Variants in IL33 observed in about 807,000 individuals in gnomAD.
IL33 encodes the protein interleukin 33.
IL33 carries 37 observed loss-of-function variants against 27.3 expected under a neutral mutation model. That is an observed-to-expected ratio of 1.36 (90% CI 1.04 to 1.78). The LOEUF is 1.78. IL33 is among the 40% of genes most tolerant of loss of function. The pLI is 0.00. For missense variants in IL33, 406 were observed against 311.4 expected (o/e 1.30, Z -2.29); for synonymous variants, 132 against 102.9 (o/e 1.28, Z -1.71).
intron 5 of IL33, 129 bp downstream of exon 5, chr9:6,253,120 T>A (rs1440271395): frequency 3.2e-6 from 2 of 617,688 alleles, no homozygotes; most frequent in Non-Finnish European, 2.6e-6. Flanking sequence ...GTGTGCTAAC[T>A]CTAATGCATT....
At chr9:6,239,563 CT>C (rs1819413314) in intron 1 of IL33, among the ~76,000 whole-genome samples, 1 of 152,106 alleles carries the variant, frequency 6.6e-6, no homozygotes, top group South Asian at 2.1e-4. Context: ...TATAAAAACC[CT>C]TGTATTCCAC....
chr9:6,248,883 A>G (rs1294032239), intron 2 of IL33, among the ~76,000 whole-genome samples: 1 of 152,068 alleles, frequency 6.6e-6, no homozygotes, highest in Non-Finnish European at 1.5e-5. Context: ...CTGGCCAACA[A>G]ATTTCTTTGC....
intron 2 of IL33, among the ~76,000 whole-genome samples, chr9:6,243,371 T>C (rs1819640709): frequency 1.3e-5 from 2 of 152,234 alleles, no homozygotes; most frequent in South Asian, 4.1e-4. Flanking sequence ...ATTTATTTTC[T>C]GTTGAGACAG....
chr9:6,218,913 T>TATATATATATGTTCTCC (rs1818293817), intron 1 of IL33, among the ~76,000 whole-genome samples: 1 of 103,510 alleles, frequency 9.7e-6, no homozygotes, highest in African/African-American at 3.6e-5. Flanking sequence ...TATATATATA[T>TATATATATATGTTCTCC]ATATATATAT....
intron 5 of IL33, 124 bp from the exon 6 acceptor site, chr9:6,253,428 A>G (rs1304422163): frequency 3.2e-6 from 2 of 618,664 alleles, no homozygotes; most frequent in Admixed American, 3.2e-5. Context: ...CAAAACCACA[A>G]AAGATTTGTT....
At chr9:6,227,999 C>T (rs1436221808) in intron 1 of IL33, among the ~76,000 whole-genome samples, 1 of 152,168 alleles carries the variant, frequency 6.6e-6, no homozygotes, top group Non-Finnish European at 1.5e-5. Flanking sequence ...TGGGCATTTA[C>T]TTGATCCCTC....
chr9:6,220,710 A>G (rs879260500), intron 1 of IL33, among the ~76,000 whole-genome samples: 22 of 152,140 alleles, frequency 1.4e-4, no homozygotes, highest in African/African-American at 4.6e-4. Context: ...ATACTTGATC[A>G]GTAGTCAGCA....
At position 6,241,735 on chromosome 9, in the gene IL33, C is replaced by T. The variant is rs1819539692; in HGVS notation, c.41C>T (p.Thr14Ile). ...KMKYSTNKISTAKWKNTASKA... is the reference protein window; with the variant it reads ...KMKYSTNKISIAKWKNTASKA... ...AAGTATTCAACCAACAAAATTTCCA[C>T]AGCAAAGTGGAAGAACACAGCAAGC... Residue 14 changes from threonine (T) to isoleucine (I), a missense_variant, in exon 2 of 8, where the codon ACA becomes ATA. Transcript: ENST00000682010. 6.2e-7 allele frequency: 1 copy of T among 1,611,784 alleles called. No individual in the cohort carries two copies. Among genetic ancestry groups the T allele is most frequent in the Non-Finnish European group, 8.5e-7 (1 of 1,178,652 alleles).
At chr9:6,220,325 T>C (rs983553306) in intron 1 of IL33, among the ~76,000 whole-genome samples, 4 of 152,218 alleles carry the variant, frequency 2.6e-5, no homozygotes, top group Non-Finnish European at 4.4e-5. Context: ...CCTTTTGCAA[T>C]GGTAAGAATG....
intron 1 of IL33, among the ~76,000 whole-genome samples, chr9:6,240,333 G>C (rs547183214): frequency 1.1e-3 from 164 of 152,206 alleles, no homozygotes; most frequent in African/African-American, 3.8e-3. Flanking sequence ...CTTGAAGCGT[G>C]GGGTGGAGGG....
At chr9:6,245,603 C>G (rs1474404711) in intron 2 of IL33, among the ~76,000 whole-genome samples, 1 of 152,080 alleles carries the variant, frequency 6.6e-6, no homozygotes, top group African/African-American at 2.4e-5. Context: ...CTGCATTAAT[C>G]TAAGGGACTA....
chr9:6,237,131 T>G (rs1198268787), intron 1 of IL33, among the ~76,000 whole-genome samples: 3 of 152,216 alleles, frequency 2.0e-5, no homozygotes, highest in Non-Finnish European at 4.4e-5. Context: ...AGACCAGCAC[T>G]TTATAAATTA....
chr9:6,230,944 T>G (rs1242038065), intron 1 of IL33, among the ~76,000 whole-genome samples: 1 of 152,166 alleles, frequency 6.6e-6, no homozygotes, highest in Non-Finnish European at 1.5e-5. Flanking sequence ...TTTCTTCACT[T>G]CTAAAAGGGA....
chr9:6,255,922 G>C (rs1816699568), intron 7 of IL33, 46 bp from the exon 8 acceptor site: 9 of 1,511,416 alleles, frequency 6.0e-6, no homozygotes, highest in African/African-American at 1.4e-5. Flanking sequence ...AGTTGACTCT[G>C]AACTTCCCAT....
chr9:6,253,155 C>G (rs1051124233), intron 5 of IL33, among the ~76,000 whole-genome samples, 164 bp downstream of exon 5: 4 of 152,286 alleles, frequency 2.6e-5, no homozygotes, highest in Admixed American at 2.6e-4. Flanking sequence ...GAATCCACTT[C>G]TATGTCAAGA....
chr9:6,257,040 A>G lies in IL33; in HGVS notation c.*872A>G, dbSNP rs866934992. The G allele has an allele frequency of 3.3e-5, 5 of 152,066 alleles. No homozygotes were observed. Among genetic ancestry groups the G allele is most frequent in the African/African-American group, 9.7e-5 (4 of 41,404 alleles). The allele number at this position is 152,066 out of a possible 1,614,324, so 9.4% of individuals were successfully genotyped here. ...ACATGTTTTAGAGCATCCAAGTACC[A>G]TATAATCCAACTATCATGGTAAGGC... On this transcript the variant is annotated 3_prime_UTR_variant, in exon 8 of 8. Coordinates refer to ENST00000682010, the MANE Select transcript of IL33 (RefSeq NM_033439.4).
chr9:6,216,852 A>C (rs1380638027), intron 1 of IL33, among the ~76,000 whole-genome samples: 1 of 152,316 alleles, frequency 6.6e-6, no homozygotes, highest in African/African-American at 2.4e-5. Context: ...CTTTTTTCTT[A>C]ATGGGACCTG....
In IL33 at chr9:6,252,968, A is replaced by G. The variant is rs769561072; in HGVS notation, c.446A>G (p.Asp149Gly). Reference sequence around the variant, plus strand: ...GAAAGTTATGAGATATATGTTGAAGACTTGAAAAAAGATGAAAAGAAAGGT... The same window carrying G: ...GAAAGTTATGAGATATATGTTGAAGGCTTGAAAAAAGATGAAAAGAAAGGT... Reference protein sequence around the residue: ...EDESYEIYVEDLKKDEKKDKV... With the variant: ...EDESYEIYVEGLKKDEKKDKV... The change falls in exon 5 of 8, where the codon GAC becomes GGC. Residue 149 changes from aspartate to glycine, a missense_variant. Physicochemically the swap from Asp to Gly is moderately conservative, Grantham distance 94 (BLOSUM62 -1). Transcript: ENST00000682010. The G allele has an allele frequency of 3.2e-6, 5 of 1,551,412 alleles. No individual in the cohort carries two copies. In the East Asian group the frequency reaches 6.8e-5, roughly 21 times the overall value.
chr9:6,246,097 A>G (rs1448610103), intron 2 of IL33, among the ~76,000 whole-genome samples: 2 of 102,142 alleles, frequency 2.0e-5, no homozygotes, highest in Admixed American at 1.1e-4. Flanking sequence ...AAAAAAAAAA[A>G]GAATTGGGTG....
Sources: gnomAD v4.1 joint callset for allele counts (sites outside exome capture counted in the v4.1 genomes callset) on GRCh38, gnomAD v4.1.1 for gene constraint, MANE v1.5 for transcripts, NCBI Gene and HGNC (gene_info 2026-07-23, HGNC 2026-07-21) for gene names.